DCBLD2: variants seen among roughly 807,000 people sequenced by gnomAD.
DCBLD2 encodes discoidin, CUB and LCCL domain containing 2, also known as discoidin, CUB and LCCL domain-containing protein 2.
A neutral mutation model predicts 86.8 loss-of-function variants in DCBLD2; 54 were observed. The ratio of observed to expected loss-of-function variants is 0.62; its 90% CI spans 0.50 to 0.78. The LOEUF (loss-of-function observed/expected upper bound fraction) is 0.78, where lower values mean the gene tolerates loss of function less well. Ranked by LOEUF, DCBLD2 falls within the 30% of genes least tolerant of loss-of-function variation. DCBLD2 has a pLI of 0.00. For synonymous variants in DCBLD2, 354 were observed against 341.3 expected, an observed-to-expected ratio of 1.04 and a Z score of -0.41; for missense variants, 908 against 954.2, an observed-to-expected ratio of 0.95 and a Z score of 0.64.
In DCBLD2 at chr3:98,799,809, C is replaced by G. The variant is rs1027404600; in HGVS notation, c.1891G>C (p.Gly631Arg). The G allele has an allele frequency of 1.2e-6, 2 of 1,612,884 alleles. No individual in the cohort carries two copies. Among genetic ancestry groups the G allele is most frequent in the Admixed American group, 3.3e-5 (2 of 59,930 alleles). Residue 631 changes from glycine to arginine, a missense_variant, in exon 16 of 16, where the codon GGT becomes CGT. By Grantham distance (125) the Gly-to-Arg change is moderately radical. This residue lies in a region of DCBLD2 where 606 missense variants were observed against 678.5 expected (regional missense o/e 0.89). Coordinates refer to ENST00000326840, the MANE Select transcript of DCBLD2 (RefSeq NM_080927.4). ...AAGGTAGATCTTTGATGAAGTGTAC[C>G]AACAATTCCTCCTACCAGTGGCTGA... Reference protein sequence around the residue: ...YAQPLVGGIVGTLHQRSTFKP... With the variant: ...YAQPLVGGIVRTLHQRSTFKP...
chr3:98,803,975 A>C (rs1237822046), intron 13 of DCBLD2, among the ~76,000 whole-genome samples: 2 of 152,052 alleles, frequency 1.3e-5, no homozygotes, highest in African/African-American at 4.8e-5. Context: ...TTTTGCATCG[A>C]TTTTCATCAG....
chr3:98,816,180 T>C (rs1342918887), intron 9 of DCBLD2: 2 of 145,064 alleles, frequency 1.4e-5, no homozygotes, highest in Admixed American at 7.0e-5. Flanking sequence ...AGAATTCTTG[T>C]CAAAAACAAT....
At chr3:98,877,975 T>C (rs1462334682) in intron 2 of DCBLD2, among the ~76,000 whole-genome samples, 1 of 151,640 alleles carries the variant, frequency 6.6e-6, no homozygotes, top group African/African-American at 2.4e-5. Flanking sequence ...CACACTGATA[T>C]AAACAAACAA....
At chr3:98,883,596 A>T (rs181028020) in intron 1 of DCBLD2, among the ~76,000 whole-genome samples, 14 of 152,312 alleles carry the variant, frequency 9.2e-5, no homozygotes, top group African/African-American at 3.4e-4. Flanking sequence ...GGAAAAATTA[A>T]TGTTCATTTA....
chr3:98,863,441 C>A (rs1036587522), intron 2 of DCBLD2, among the ~76,000 whole-genome samples: 1 of 152,216 alleles, frequency 6.6e-6, no homozygotes. Flanking sequence ...CGGGAGGCAT[C>A]AAGCTACTTG....
intron 3 of DCBLD2, among the ~76,000 whole-genome samples, chr3:98,832,658 C>T (rs572896624): frequency 1.3e-5 from 2 of 152,282 alleles, no homozygotes; most frequent in East Asian, 3.9e-4. Context: ...TTAGCATTTG[C>T]TTATCTGACA....
At chr3:98,839,119 TTTTC>T (rs1347716901) in intron 3 of DCBLD2, among the ~76,000 whole-genome samples, 2 of 84,108 alleles carry the variant, frequency 2.4e-5, no homozygotes, top group African/African-American at 6.8e-5. Context: ...CTTTCTTTCT[TTTTC>T]TTTCTTTCCT....
chr3:98,849,692 G>C, intron 2 of DCBLD2, 94 bp from the exon 3 acceptor site: 2 of 1,359,652 alleles, frequency 1.5e-6, no homozygotes, highest in Non-Finnish European at 2.0e-6. Context: ...AATATACCAA[G>C]CTGGCTGTTA....
At chr3:98,876,459 G>GA (rs1218083474) in intron 2 of DCBLD2, among the ~76,000 whole-genome samples, 3 of 101,268 alleles carry the variant, frequency 3.0e-5, no homozygotes, top group African/African-American at 1.2e-4. Flanking sequence ...CAACATATGG[G>GA]AAAAAACAGT....
chr3:98,834,801 T>C (rs1359323920), intron 3 of DCBLD2, among the ~76,000 whole-genome samples: 1 of 152,258 alleles, frequency 6.6e-6, no homozygotes, highest in Non-Finnish European at 1.5e-5. Flanking sequence ...CTTATAGATG[T>C]TATCCTAAAA....
chr3:98,813,151 G>C lies in DCBLD2; in HGVS notation c.1213-669C>G, dbSNP rs182738138. On this transcript the variant is annotated intron_variant, in intron 9 of 15. Coordinates refer to ENST00000326840, the MANE Select transcript of DCBLD2 (RefSeq NM_080927.4). ...CTGTCATCCAAGGAATGCATTGGCG[G>C]GATCATAGCACAATACAGCCTAGAA... 2.0e-5 allele frequency: 3 copies of C among 152,284 alleles called. No homozygotes were observed. The East Asian group carries it at 5.8e-4, about 29-fold the overall frequency. The allele number at this position is 152,284 out of a possible 1,614,324, so 9.4% of individuals were successfully genotyped here.
chr3:98,836,717 C>CA (rs1942463385), intron 3 of DCBLD2, among the ~76,000 whole-genome samples: 1 of 43,920 alleles, frequency 2.3e-5, no homozygotes, highest in Non-Finnish European at 6.1e-5. Flanking sequence ...GCTGGCCGGG[C>CA]GGGGGGGCTG....
chr3:98,811,075 C>CT, intron 12 of DCBLD2, 119 bp downstream of exon 12: 1 of 1,163,756 alleles, frequency 8.6e-7, no homozygotes. Context: ...TTTTTTTTTG[C>CT]TATACTTAAA....
chr3:98,807,211 T>A (rs1451381334), intron 13 of DCBLD2, among the ~76,000 whole-genome samples: 2 of 152,212 alleles, frequency 1.3e-5, no homozygotes, highest in Admixed American at 1.3e-4. Flanking sequence ...TTTGCCTACA[T>A]TCCATATCTC....
chr3:98,837,810 G>A (rs1942500257), intron 3 of DCBLD2, among the ~76,000 whole-genome samples: 2 of 134,710 alleles, frequency 1.5e-5, no homozygotes, highest in Non-Finnish European at 3.2e-5. Flanking sequence ...GCGGCTGGCC[G>A]GGCGGAGGGC....
chr3:98,808,385 G>A (rs914093043), intron 12 of DCBLD2, among the ~76,000 whole-genome samples: 2 of 152,128 alleles, frequency 1.3e-5, no homozygotes, highest in Non-Finnish European at 2.9e-5. Context: ...TTCCATCTGT[G>A]TAGAGATGTG....
chr3:98,836,335 G>A (rs1222984009), intron 3 of DCBLD2, among the ~76,000 whole-genome samples: 2 of 145,288 alleles, frequency 1.4e-5, no homozygotes, highest in Admixed American at 6.9e-5. Context: ...ATTGCCAGAG[G>A]TGGAAGTCTG....
At chr3:98,869,051 A>G (rs1943212576) in intron 2 of DCBLD2, among the ~76,000 whole-genome samples, 1 of 152,174 alleles carries the variant, frequency 6.6e-6, no homozygotes, top group African/African-American at 2.4e-5. Context: ...ACTGTTTTCC[A>G]CAGAGGTTGA....
In DCBLD2 at chr3:98,881,699, T is replaced by C; in HGVS notation, c.274A>G (p.Thr92Ala). The C allele has an allele frequency of 6.2e-7, 1 of 1,613,954 alleles. No homozygotes were observed. The change falls in exon 2 of 16, where the codon ACC becomes GCC. Residue 92 changes from threonine to alanine, a missense_variant. Physicochemically the swap from Thr to Ala is moderately conservative, Grantham distance 58. Transcript: ENST00000326840. ...GTLTSINYPQ[T>A]YPNSTVCEWE... ...TCACAAACAGTGCTGTTGGGATAGGTCTGTGGGTAGTTTATGGATGTAAGG... is the reference window on the plus strand; with the variant it reads ...TCACAAACAGTGCTGTTGGGATAGGCCTGTGGGTAGTTTATGGATGTAAGG...
Sources: gnomAD v4.1 joint callset for allele counts (sites outside exome capture counted in the v4.1 genomes callset) on GRCh38, gnomAD v4.1.1 for gene constraint, gnomAD v4.1.1 regional missense constraint, MANE v1.5 for transcripts, NCBI Gene and HGNC (gene_info 2026-07-23, HGNC 2026-07-21) for gene names.